The following MMP25 variants were observed in gnomAD, a reference collection of about 807,000 sequenced individuals.
MMP25 encodes matrix metallopeptidase 25, also known as matrix metalloproteinase-25.
A neutral mutation model predicts 62.1 loss-of-function variants in MMP25; 68 were observed. That is an observed-to-expected ratio of 1.10 (90% CI 0.90 to 1.34). The LOEUF is 1.34. MMP25 is among the 40% of genes most tolerant of loss of function. The probability of loss-of-function intolerance (pLI) is 0.00; values close to 1 mark genes in which losing one functional copy is unlikely to be tolerated. For synonymous variants in MMP25, 407 were observed against 345.6 expected (o/e 1.18, Z -1.97); for missense variants, 942 against 792.5 (o/e 1.19, Z -2.26).
chr16:3,047,342 C>T, intron 1 of MMP25, 73 bp from the exon 2 acceptor site: 1 of 1,540,308 alleles, frequency 6.5e-7, no homozygotes, highest in Admixed American at 1.9e-5. Flanking sequence ...GCAGGGCTGC[C>T]AGGATGGTGG....
rs143925847 is a variant in MMP25 at position 3,057,144 on chromosome 16, C to A, written c.773C>A (p.Pro258Gln). The part of the protein sequence containing the change: ...NSIMRPFYQG[P>Q]VGDPDKYRLS... ...ATTATGAGGCCCTTCTACCAGGGTC[C>A]GGTGGGCGACCCTGACAAGTACCGC... Residue 258 changes from proline to glutamine, a missense_variant, in exon 5 of 10, where the codon CCG (proline) becomes CAG (glutamine). Coordinates refer to ENST00000336577, the MANE Select transcript of MMP25 (RefSeq NM_022468.5). The A allele has an allele frequency of 1.3e-5, 21 of 1,613,308 alleles. No individual in the cohort carries two copies. In the African/African-American group the frequency reaches 2.8e-4, roughly 22 times the overall value.
chr16:3,058,893 C>T lies in MMP25; in HGVS notation c.1484C>T (p.Pro495Leu), dbSNP rs201570902. 5.8e-6 allele frequency: 9 copies of T among 1,555,520 alleles called. No individual in the cohort carries two copies. In the Admixed American group the frequency reaches 1.4e-4, roughly 24 times the overall value. ...CCCAAGAACAGCATCAAGACCGAGCCGGACGCCCCCCAGCCCATGGGGCCC... is the reference window on the plus strand; with the variant it reads ...CCCAAGAACAGCATCAAGACCGAGCTGGACGCCCCCCAGCCCATGGGGCCC... The part of the protein sequence containing the change: ...RFPKNSIKTE[P>L]DAPQPMGPNW... The change falls in exon 10 of 10, where the codon CCG becomes CTG. Residue 495 changes from proline to leucine, a missense_variant. Pro to Leu is a moderately conservative substitution (Grantham distance 98). Transcript: ENST00000336577.
intron 4 of MMP25, chr16:3,054,552 G>T (rs1167241919): frequency 6.5e-6 from 1 of 152,816 alleles, no homozygotes; most frequent in Non-Finnish European, 1.5e-5. Flanking sequence ...ACAGAGGCAG[G>T]GATGGATGGA....
In MMP25 at chr16:3,058,332, C is replaced by A. The variant is rs1183866581; in HGVS notation, c.1158C>A (p.Ser386Arg). The A allele has an allele frequency of 1.3e-6, 2 of 1,566,134 alleles. No individual in the cohort carries two copies. The highest frequency in any genetic ancestry group is 2.3e-5 in the East Asian group (1 of 42,588). ...GAGACGGCCGAATCCTCCTCTTTAGCGGTGAGTGGGGCCGGCGGCGGGGCG... is the reference window on the plus strand; with the variant it reads ...GAGACGGCCGAATCCTCCTCTTTAGAGGTGAGTGGGGCCGGCGGCGGGGCG... Reference protein sequence around the residue: ...RHRDGRILLFSGPQFWVFQDR... With the variant: ...RHRDGRILLFRGPQFWVFQDR... Residue 386 changes from serine (S) to arginine (R), a missense_variant and splice_region_variant, in exon 8 of 10, where the codon AGC becomes AGA. Transcript: ENST00000336577.
intron 1 of MMP25, 118 bp from the exon 2 acceptor site, chr16:3,047,297 G>A: frequency 2.8e-6 from 4 of 1,454,064 alleles, no homozygotes; most frequent in Non-Finnish European, 1.8e-6. Context: ...CAGGCATCCG[G>A]GGCTGGGGCC....
intron 4 of MMP25, chr16:3,054,841 C>T: frequency 6.5e-6 from 1 of 154,924 alleles, no homozygotes; most frequent in Non-Finnish European, 1.4e-5. Flanking sequence ...CGGACGGATG[C>T]ATGGCCAGAG....
chr16:3,057,566 A>C lies in MMP25; in HGVS notation c.959A>C (p.Asn320Thr). The part of the protein sequence containing the change: ...SFPIPDRCEG[N>T]FDAIANIRGE... ...CCCATCCCTGATCGATGTGAGGGCAATTTTGACGCCATCGCCAACATCCGA... is the reference window on the plus strand; with the variant it reads ...CCCATCCCTGATCGATGTGAGGGCACTTTTGACGCCATCGCCAACATCCGA... The change falls in exon 7 of 10, where the codon AAT (asparagine) becomes ACT (threonine). Residue 320 changes from asparagine (N) to threonine (T), a missense_variant. Physicochemically the swap from Asn to Thr is moderately conservative, Grantham distance 65. Coordinates refer to ENST00000336577, the MANE Select transcript of MMP25 (RefSeq NM_022468.5). The C allele has an allele frequency of 6.2e-7, 1 of 1,614,102 alleles. No individual in the cohort carries two copies. Among genetic ancestry groups the C allele is most frequent in the Non-Finnish European group, 8.5e-7 (1 of 1,180,018 alleles).
chr16:3,058,956 G>T lies in MMP25; in HGVS notation c.1547G>T (p.Arg516Leu), dbSNP rs199549053. The T allele has an allele frequency of 8.3e-5, 66 of 795,198 alleles. No homozygotes were observed. Among genetic ancestry groups the T allele is most frequent in the East Asian group, 6.8e-4 (16 of 23,398 alleles). The allele number at this position is 795,198 out of a possible 1,614,324, so 49.3% of individuals were successfully genotyped here. The change falls in exon 10 of 10, where the codon CGC becomes CTC. Residue 516 changes from arginine to leucine, a missense_variant. Arg to Leu is a moderately radical substitution (Grantham distance 102, BLOSUM62 -2). Coordinates refer to ENST00000336577, the MANE Select transcript of MMP25 (RefSeq NM_022468.5). ...LDCPAPSSGP[R>L]APRPPKATPV... is the part of the protein sequence containing the mutation. ...TGCCCCGCCCCGAGCTCTGGTCCCC[G>T]CGCCCCCAGGCCCCCCAAAGCGACC...
Position 3,046,661 on chromosome 16 carries a change from C to A in MMP25, c.-257C>A, listed in dbSNP as rs1393425005. ...CACATCCAGACCTCCGCCGCTCCCG[C>A]GCCCTCTCAACCATCCTGGGATTCC... On this transcript the variant is annotated 5_prime_UTR_variant, in exon 1 of 10. Transcript: ENST00000336577. The A allele has an allele frequency of 1.1e-5, 4 of 351,080 alleles. No homozygotes were observed. The Admixed American group carries it at 1.9e-4, about 17-fold the overall frequency. The allele number at this position is 351,080 out of a possible 1,614,324, so 21.7% of individuals were successfully genotyped here. A position where few individuals can be genotyped will look rare whatever the true frequency, so the allele number is the denominator to read the frequency against.
In MMP25 at chr16:3,058,315, C is replaced by A. The variant is rs766441316; in HGVS notation, c.1141C>A (p.Arg381=). ...CGCCTATGCTCGGCACCGAGACGGC[C>A]GAATCCTCCTCTTTAGCGGTGAGTG... ...QAAYARHRDG[R]ILLFSGPQFW... The change falls in exon 8 of 10, where the codon CGA becomes AGA. Residue 381 remains arginine (R), a synonymous_variant. Coordinates refer to ENST00000336577, the MANE Select transcript of MMP25 (RefSeq NM_022468.5). The A allele has an allele frequency of 1.9e-6, 3 of 1,597,734 alleles. No individual in the cohort carries two copies. Among genetic ancestry groups the A allele is most frequent in the Non-Finnish European group, 8.5e-7 (1 of 1,174,056 alleles).
chr16:3,058,536 CT>C lies in MMP25; in HGVS notation c.1285del (p.Tyr429ThrfsTer26). The C allele has an allele frequency of 6.2e-7, 1 of 1,611,084 alleles. No individual in the cohort carries two copies. The highest frequency in any genetic ancestry group is 8.5e-7 in the Non-Finnish European group (1 of 1,179,364). On this transcript the variant is annotated frameshift_variant, in exon 9 of 10. Transcript: ENST00000336577. LOFTEE classifies it high-confidence loss of function. The part of the protein sequence containing the change: ...VFSWPQNGKT[Y>X]LVRGRQYWRY... ...TCTCGTGGCCACAGAACGGGAAGAC[CT>C]ACCTGGTCCGCGGCCGGCAGTACTG...
chr16:3,057,198 A>G lies in MMP25; in HGVS notation c.827A>G (p.Gln276Arg), dbSNP rs778242846. The change falls in exon 5 of 10, where the codon CAG (glutamine) becomes CGG (arginine). Residue 276 changes from glutamine to arginine, a missense_variant. Coordinates refer to ENST00000336577, the MANE Select transcript of MMP25 (RefSeq NM_022468.5). ...RLSQDDRDGL[Q>R]QLYGKAPQTP... is the part of the protein sequence containing the mutation. ...TCTCAGGATGACCGCGATGGCCTGC[A>G]GCAACTCTATGGTAGGGGGAGAGGG... The G allele has an allele frequency of 1.2e-6, 2 of 1,612,776 alleles. No homozygotes were observed. The highest frequency in any genetic ancestry group is 1.7e-6 in the Non-Finnish European group (2 of 1,179,448).
rs755730588 is a variant in MMP25, at chr16:3,050,096, G to C, written c.320G>C (p.Arg107Pro). ...GCGGGGCTGGTCAGGCGGCGTCGCC[G>C]GTACGCTCTGAGCGGCAGCGTGTGG... ...GVAGLVRRRR[R>P]YALSGSVWKK... The change falls in exon 3 of 10, where the codon CGG becomes CCG. Residue 107 changes from arginine to proline, a missense_variant. Transcript: ENST00000336577. 3 of 1,611,404 alleles carry C rather than the reference G, an allele frequency of 1.9e-6. No homozygotes were observed. Among genetic ancestry groups the C allele is most frequent in the Non-Finnish European group, 2.5e-6 (3 of 1,179,758 alleles).
intron 2 of MMP25, among the ~76,000 whole-genome samples, chr16:3,047,917 G>A (rs531181728): frequency 6.7e-5 from 10 of 148,822 alleles, no homozygotes; most frequent in Non-Finnish European, 1.5e-4. Context: ...TCGGCTCACC[G>A]CAACCTCTGC....
intron 4 of MMP25, chr16:3,052,319 A>G (rs1261792416): frequency 1.3e-5 from 2 of 152,188 alleles, no homozygotes; most frequent in Admixed American, 6.6e-5. Context: ...ATGAGGCCAG[A>G]AGCCAAAACT....
Position 3,058,888 on chromosome 16 carries a change from C to A in MMP25, c.1479C>A (p.Thr493=). The A allele has an allele frequency of 1.9e-6, 3 of 1,555,358 alleles. No homozygotes were observed. Among genetic ancestry groups the A allele is most frequent in the Non-Finnish European group, 2.6e-6 (3 of 1,149,314 alleles). ...YWRFPKNSIK[T]EPDAPQPMGP... ...GCTTCCCCAAGAACAGCATCAAGACCGAGCCGGACGCCCCCCAGCCCATGG... is the reference window on the plus strand; with the variant it reads ...GCTTCCCCAAGAACAGCATCAAGACAGAGCCGGACGCCCCCCAGCCCATGG... The change falls in exon 10 of 10, where the codon ACC becomes ACA. Residue 493 remains threonine (T), a synonymous_variant. Coordinates refer to ENST00000336577, the MANE Select transcript of MMP25 (RefSeq NM_022468.5).
chr16:3,046,688 G>A lies in MMP25; in HGVS notation c.-230G>A. On this transcript the variant is annotated 5_prime_UTR_variant, in exon 1 of 10. Coordinates refer to ENST00000336577, the MANE Select transcript of MMP25 (RefSeq NM_022468.5). ...CCCTCTCAACCATCCTGGGATTCCC[G>A]GGCCCACCCGACCCAGCGGCGCGAC... is the stretch of plus-strand genomic sequence containing the variant. 1 of 377,286 alleles carries A rather than the reference G, an allele frequency of 2.7e-6. No homozygotes were observed. Among genetic ancestry groups the A allele is most frequent in the Middle Eastern group, 6.9e-4 (1 of 1,452 alleles). 23.4% of individuals were successfully genotyped at this position (377,286 alleles called of 1,614,324 possible).
intron 2 of MMP25, among the ~76,000 whole-genome samples, chr16:3,047,986 C>A (rs1005907138): frequency 8.6e-5 from 13 of 151,960 alleles, no homozygotes; most frequent in Admixed American, 8.5e-4. Flanking sequence ...ATTACAGGCA[C>A]GCACCATCAC....
At position 3,058,488 on chromosome 16, in the gene MMP25, G is replaced by A. The variant is rs759623576; in HGVS notation, c.1236G>A (p.Pro412=). Residue 412 remains proline (P), a synonymous_variant, in exon 9 of 10, where the codon CCG becomes CCA. Transcript: ENST00000336577. ...ARPLTELGLP[P]GEEVDAVFSW... ...CGCTCACGGAGCTGGGGCTGCCCCC[G>A]GGAGAGGAGGTGGACGCCGTGTTCT... 3 of 1,607,920 alleles carry A rather than the reference G, an allele frequency of 1.9e-6. No homozygotes were observed. The highest frequency in any genetic ancestry group is 2.5e-6 in the Non-Finnish European group (3 of 1,178,222).
Sources: gnomAD v4.1 joint callset for allele counts (sites outside exome capture counted in the v4.1 genomes callset) on GRCh38, gnomAD v4.1.1 for gene constraint, MANE v1.5 for transcripts, NCBI Gene and HGNC (gene_info 2026-07-23, HGNC 2026-07-21) for gene names.